Variants in ARHGAP32 observed in about 807,000 individuals in gnomAD.
ARHGAP32 encodes rho GTPase-activating protein 32.
Under a neutral mutation model 186.5 loss-of-function variants are expected in ARHGAP32, and 51 were observed. The ratio of observed to expected loss-of-function variants is 0.27; its 90% CI spans 0.22 to 0.35. The LOEUF (loss-of-function observed/expected upper bound fraction) is 0.35. Ranked by LOEUF, ARHGAP32 falls within the 10% of genes least tolerant of loss-of-function variation. The pLI is 1.00. For missense variants in ARHGAP32, 2,186 were observed against 2,623.5 expected, an observed-to-expected ratio of 0.83 and a Z score of 3.64; for synonymous variants, 950 against 964.3, an observed-to-expected ratio of 0.99 and a Z score of 0.27.
chr11:129,150,260 G>A (rs546349287), intron 2 of ARHGAP32, among the ~76,000 whole-genome samples: 8 of 152,118 alleles, frequency 5.3e-5, no homozygotes, highest in African/African-American at 1.7e-4. Context: ...GGTTAATTGA[G>A]GAAAACTTCC....
At chr11:129,248,794 T>G (rs1473149956) in intron 1 of ARHGAP32, among the ~76,000 whole-genome samples, 2 of 152,124 alleles carry the variant, frequency 1.3e-5, no homozygotes, top group Admixed American at 6.6e-5. Context: ...CAAGCTAGAG[T>G]TAACTATGAC....
At chr11:129,245,150 G>A (rs1166908638) in intron 1 of ARHGAP32, among the ~76,000 whole-genome samples, 1 of 141,028 alleles carries the variant, frequency 7.1e-6, no homozygotes, top group Non-Finnish European at 1.6e-5. Flanking sequence ...ACATGCACAC[G>A]TATGTTTATT....
At chr11:129,196,666 C>T (rs1944395559), upstream of ARHGAP32, among the ~76,000 whole-genome samples, 1 of 152,166 alleles carries the variant, frequency 6.6e-6, no homozygotes, top group African/African-American at 2.4e-5. Flanking sequence ...ATTCTCCCAA[C>T]CACCTCATGA....
At chr11:129,236,159 G>A (rs1944930831) in intron 1 of ARHGAP32, among the ~76,000 whole-genome samples, 1 of 152,166 alleles carries the variant, frequency 6.6e-6, no homozygotes, top group Non-Finnish European at 1.5e-5. Context: ...GTTTTCCATA[G>A]TGGTTGCGCT....
At chr11:129,159,599 A>G (rs1943486870) in intron 2 of ARHGAP32, among the ~76,000 whole-genome samples, 2 of 152,084 alleles carry the variant, frequency 1.3e-5, no homozygotes. Context: ...CAAAAAAAAA[A>G]GCCCAGGATC....
At position 128,972,477 on chromosome 11, in the gene ARHGAP32, A is replaced by G. The variant is rs770887431; in HGVS notation, c.4029T>C (p.Asn1343=). 1.2e-5 allele frequency: 19 copies of G among 1,521,046 alleles called. No individual in the cohort carries two copies. The highest frequency in any genetic ancestry group is 1.4e-5 in the African/African-American group (1 of 71,724). The allele number at this position is 1,521,046 out of a possible 1,614,324, so 94.2% of individuals were successfully genotyped here. A position where few individuals can be genotyped will look rare whatever the true frequency, so the allele number is the denominator to read the frequency against. The change falls in exon 22 of 23, where the codon AAT becomes AAC. Residue 1343 remains asparagine (N), a synonymous_variant. Coordinates refer to ENST00000682385, the MANE Select transcript of ARHGAP32 (RefSeq NM_001378024.1). The part of the protein sequence containing the change: ...PVVGQVQAAT[N]IGLNNSHKVQ... ...CCTTGTGGGAATTATTTAATCCTAT[A>G]TTGGTTGCTGCTTGTACCTGCCCCA...
chr11:129,098,413 TTTTTC>T (rs760733054), intron 5 of ARHGAP32, among the ~76,000 whole-genome samples: 49 of 152,006 alleles, frequency 3.2e-4, no homozygotes, highest in Non-Finnish European at 5.6e-4. Flanking sequence ...TTTATTTTTC[TTTTTC>T]TTTTTTCTTT....
At position 128,973,360 on chromosome 11, in the gene ARHGAP32, G is replaced by A. The variant is rs1276229536; in HGVS notation, c.3146C>T (p.Pro1049Leu). Residue 1049 changes from proline (P) to leucine (L), a missense_variant, in exon 22 of 23, where the codon CCT becomes CTT. Physicochemically the swap from Pro to Leu is moderately conservative, Grantham distance 98. This residue lies in a region of ARHGAP32 where 1,502 missense variants were observed against 1,570.0 expected (regional missense o/e 0.96). Transcript: ENST00000682385. ...CAACATTCGGGCAACATTTTTCGGA[G>A]GCGGTGGTGGTGGGATAAGAGAGAC... is the stretch of plus-strand genomic sequence containing the variant. ...SSVSLIPPPP[P>L]PKNVARMLAL... 2 of 1,614,026 alleles carry A rather than the reference G, an allele frequency of 1.2e-6. No homozygotes were observed. The highest frequency in any genetic ancestry group is 1.3e-5 in the African/African-American group (1 of 74,910).
chr11:128,983,429 G>T (rs1384062030), intron 15 of ARHGAP32, among the ~76,000 whole-genome samples: 1 of 151,590 alleles, frequency 6.6e-6, no homozygotes, highest in Non-Finnish European at 1.5e-5. Flanking sequence ...TCACTCATAG[G>T]TGGGAATTGA....
intron 6 of ARHGAP32, among the ~76,000 whole-genome samples, chr11:129,089,674 T>A (rs1237100324): frequency 6.6e-6 from 1 of 152,212 alleles, no homozygotes; most frequent in Non-Finnish European, 1.5e-5. Flanking sequence ...GCAGTGGGAA[T>A]CTATCCAAGA....
Position 128,969,767 on chromosome 11 carries a change from C to T in ARHGAP32, c.5446G>A (p.Gly1816Arg). 6.2e-7 allele frequency: 1 copy of T among 1,614,134 alleles called. No homozygotes were observed. Among genetic ancestry groups the T allele is most frequent in the Non-Finnish European group, 8.5e-7 (1 of 1,180,036 alleles). ...LRSKSDPGKT[G>R]LLSVAEGKES... is the part of the protein sequence containing the mutation. ...TTTCCTTCTGCCACTGAGAGAAGTC[C>T]AGTTTTCCCAGGATCTGATTTACTA... Residue 1816 changes from glycine to arginine, a missense_variant, in exon 23 of 23, where the codon GGA (glycine) becomes AGA (arginine). Gly to Arg is a moderately radical substitution (Grantham distance 125). Around this residue, in one of 5 missense-constraint regions of ARHGAP32, gnomAD observed 1,502 missense variants for 1,570.0 expected, o/e 0.96. Coordinates refer to ENST00000682385, the MANE Select transcript of ARHGAP32 (RefSeq NM_001378024.1). The surrounding 1 kb of genome is among the most constrained non-coding windows in gnomAD (Gnocchi z 4.8).
intron 10 of ARHGAP32, among the ~76,000 whole-genome samples, chr11:129,048,841 TAAGAA>T (rs1487813691): frequency 6.6e-6 from 1 of 150,896 alleles, no homozygotes; most frequent in African/African-American, 2.4e-5. Context: ...TTGGAAGGAG[TAAGAA>T]AAGGATAGAG....
chr11:129,016,622 T>C (rs1179794322), intron 11 of ARHGAP32, among the ~76,000 whole-genome samples: 2 of 152,216 alleles, frequency 1.3e-5, no homozygotes, highest in Admixed American at 6.5e-5. Context: ...CTCACTTTCT[T>C]AATTTGTAAG....
intron 1 of ARHGAP32, among the ~76,000 whole-genome samples, chr11:129,256,518 G>A (rs1945256206): frequency 6.6e-6 from 1 of 152,146 alleles, no homozygotes; most frequent in African/African-American, 2.4e-5. Flanking sequence ...TGAAATGACA[G>A]TGAGAAATGC....
In ARHGAP32 at chr11:129,123,866, A is replaced by T; in HGVS notation, c.359+22T>A. 2 of 1,303,596 alleles carry T rather than the reference A, an allele frequency of 1.5e-6. No homozygotes were observed. Among genetic ancestry groups the T allele is most frequent in the South Asian group, 2.5e-5 (2 of 80,786 alleles). 80.8% of individuals were successfully genotyped at this position (1,303,596 alleles called of 1,614,324 possible). Reference sequence around the variant, plus strand: ...TTCTAACCAGAAGCATTCCCAACACAAAGTAGAAAACCAGATTTTACCTGT... The same window carrying T: ...TTCTAACCAGAAGCATTCCCAACACTAAGTAGAAAACCAGATTTTACCTGT... On this transcript the variant is annotated intron_variant, in intron 4 of 22. Coordinates refer to ENST00000682385, the MANE Select transcript of ARHGAP32 (RefSeq NM_001378024.1). The surrounding 1 kb of genome is among the most constrained non-coding windows in gnomAD (Gnocchi z 4.6).
At chr11:129,059,026 T>C (rs1207958261) in intron 10 of ARHGAP32, among the ~76,000 whole-genome samples, 1 of 152,242 alleles carries the variant, frequency 6.6e-6, no homozygotes, top group East Asian at 1.9e-4. Context: ...CATGTATGCT[T>C]TGCAGTCCAC....
chr11:129,269,443 A>G (rs1241042153), intron 1 of ARHGAP32, among the ~76,000 whole-genome samples: 2 of 152,138 alleles, frequency 1.3e-5, no homozygotes, highest in Non-Finnish European at 2.9e-5. Context: ...AAAGAAGTAC[A>G]TGGCCAGGCG....
intron 10 of ARHGAP32, among the ~76,000 whole-genome samples, chr11:129,050,253 C>A (rs763881318): frequency 6.6e-6 from 1 of 152,214 alleles, no homozygotes; most frequent in Admixed American, 6.5e-5. Flanking sequence ...CTACATTTCT[C>A]GAATGACTAT....
intron 15 of ARHGAP32, among the ~76,000 whole-genome samples, chr11:128,985,520 C>T (rs1945838976): frequency 6.6e-6 from 1 of 151,158 alleles, no homozygotes; most frequent in South Asian, 2.1e-4. Context: ...AAGTAACTTT[C>T]AATTTTATTC....
Sources: gnomAD v4.1 joint callset for allele counts (sites outside exome capture counted in the v4.1 genomes callset) on GRCh38, gnomAD v4.1.1 for gene constraint, gnomAD v4.1.1 regional missense constraint, Gnocchi (gnomAD v3.1) non-coding constraint, MANE v1.5 for transcripts, NCBI Gene and HGNC (gene_info 2026-07-23, HGNC 2026-07-21) for gene names.